Variants in PRR33 observed in about 807,000 individuals in gnomAD.
The protein encoded by PRR33 is proline rich 33.
PRR33 carries 1 observed loss-of-function variant against 0.5 expected under a neutral mutation model. The ratio of observed to expected loss-of-function variants is 2.18; its 90% CI spans 0.77 to 10.34. PRR33 has a LOEUF of 10.34. Among genes scored for constraint, PRR33 ranks in the 30% most tolerant of loss-of-function variants. The pLI is 0.13. For synonymous variants in PRR33, 226 were observed against 110.0 expected (o/e 2.06, Z -6.60); for missense variants, 552 against 251.8 (o/e 2.19, Z -8.07).
the PRR33 span, among the ~76,000 whole-genome samples, chr11:1,917,460 G>T: frequency 2.0e-5 from 3 of 152,186 alleles, no homozygotes; most frequent in Non-Finnish European, 4.4e-5. Context: ...CTGCCCTAGA[G>T]CCAAGGCCCC....
chr11:1,889,410 G>T (rs1166548988), exon 1 of PRR33: 2 of 682,402 alleles, frequency 2.9e-6, no homozygotes, highest in Admixed American at 2.1e-5. Flanking sequence ...GGAGGCGGGG[G>T]CCCGGGGTGC....
chr11:1,889,338 C>T (rs2090868), exon 1 of PRR33: 26 of 711,006 alleles, frequency 3.7e-5, no homozygotes, highest in African/African-American at 1.4e-4. Context: ...CCCTGCCAGG[C>T]GCCCTTGGGC....
chr11:1,897,530 C>T, the PRR33 span, among the ~76,000 whole-genome samples: 1 of 152,238 alleles, frequency 6.6e-6, no homozygotes, highest in African/African-American at 2.4e-5. The surrounding 1 kb of genome is among the most constrained non-coding windows in gnomAD (Gnocchi z 4.0). Flanking sequence ...GCTTGCGTGA[C>T]TCCATCTGGG....
the PRR33 span, among the ~76,000 whole-genome samples, chr11:1,904,289 G>A: frequency 6.6e-6 from 1 of 152,210 alleles, no homozygotes; most frequent in Non-Finnish European, 1.5e-5. Flanking sequence ...AGCACTTTGG[G>A]AGGCCGAGGC....
upstream of PRR33, chr11:1,892,088 G>T (rs1159174182): frequency 6.6e-6 from 1 of 152,142 alleles, no homozygotes; most frequent in Admixed American, 6.5e-5. Flanking sequence ...CTTCTAGGAA[G>T]TTAGGAGGTT....
the PRR33 span, among the ~76,000 whole-genome samples, chr11:1,899,113 A>G: frequency 6.6e-6 from 1 of 152,122 alleles, no homozygotes. Flanking sequence ...AGTATACCCC[A>G]TGAGTGCACA....
chr11:1,900,790 A>G, the PRR33 span, among the ~76,000 whole-genome samples: 3 of 152,214 alleles, frequency 2.0e-5, no homozygotes, highest in African/African-American at 7.2e-5. Flanking sequence ...CAATATCTCA[A>G]ATAAGGTTAA....
chr11:1,913,886 G>T, the PRR33 span, among the ~76,000 whole-genome samples: 2 of 152,210 alleles, frequency 1.3e-5, no homozygotes, highest in African/African-American at 4.8e-5. Context: ...ATGCTGCCAC[G>T]GGCTCCCACT....
the PRR33 span, among the ~76,000 whole-genome samples, chr11:1,910,102 C>T: frequency 2.0e-5 from 3 of 152,346 alleles, no homozygotes; most frequent in African/African-American, 4.8e-5. Context: ...TATGAATACA[C>T]GACGGTGTAC....
upstream of PRR33, among the ~76,000 whole-genome samples, chr11:1,896,431 T>A (rs1207233272): frequency 1.3e-5 from 2 of 152,372 alleles, no homozygotes; most frequent in African/African-American, 4.8e-5. Context: ...ATTTTTAATG[T>A]CAATATCTGA....
chr11:1,902,682 A>G, the PRR33 span: 1 of 152,118 alleles, frequency 6.6e-6, no homozygotes, highest in Admixed American at 6.6e-5. Flanking sequence ...AGACCCCAAG[A>G]GAGGGTTCTT....
the PRR33 span, among the ~76,000 whole-genome samples, chr11:1,900,268 G>T: frequency 6.6e-6 from 1 of 152,120 alleles, no homozygotes. Context: ...GTTATCATAG[G>T]TAATTTGACT....
the PRR33 span, among the ~76,000 whole-genome samples, chr11:1,905,346 C>T: frequency 6.6e-6 from 1 of 151,312 alleles, no homozygotes; most frequent in Non-Finnish European, 1.5e-5. Flanking sequence ...AGGCTACTCT[C>T]GAACTCCTGA....
chr11:1,913,756 C>T, the PRR33 span, among the ~76,000 whole-genome samples: 7 of 152,230 alleles, frequency 4.6e-5, no homozygotes, highest in African/African-American at 1.7e-4. Context: ...GGAGGCTCTG[C>T]TTCAGTCCCT....
the PRR33 span, among the ~76,000 whole-genome samples, chr11:1,913,872 C>T: frequency 5.9e-5 from 9 of 152,372 alleles, no homozygotes; most frequent in South Asian, 6.2e-4. Context: ...CCTTTTCCCT[C>T]GTCATGCTGC....
At chr11:1,897,457 A>T in the PRR33 span, among the ~76,000 whole-genome samples, 2 of 152,130 alleles carry the variant, frequency 1.3e-5, no homozygotes, top group Non-Finnish European at 2.9e-5. The surrounding 1 kb of genome is among the most constrained non-coding windows in gnomAD (Gnocchi z 4.0). Context: ...AGAAAAACAA[A>T]CCCTGGTCTG....
chr11:1,907,671 C>T, the PRR33 span, among the ~76,000 whole-genome samples: 1 of 152,200 alleles, frequency 6.6e-6, no homozygotes, highest in African/African-American at 2.4e-5. Flanking sequence ...GCCCCGGCCT[C>T]CCAAAGTGCT....
In PRR33 at chr11:1,889,076, C is replaced by T. The variant is rs1848873454; in HGVS notation, c.*69G>A. On this transcript the variant is annotated 3_prime_UTR_variant, in exon 1 of 1. Coordinates refer to ENST00000640310, the Ensembl canonical transcript of PRR33. ...TCTTCATGCAGCAACTATGGGCCCCCAGCTAGAGCCTCAGCCCCTTCTTCT... is the reference window on the plus strand; with the variant it reads ...TCTTCATGCAGCAACTATGGGCCCCTAGCTAGAGCCTCAGCCCCTTCTTCT... The T allele has an allele frequency of 2.6e-5, 15 of 582,148 alleles. No individual in the cohort carries two copies. In the South Asian group the frequency reaches 3.0e-4, roughly 12 times the overall value. The allele number at this position is 582,148 out of a possible 1,614,324, so 36.1% of individuals were successfully genotyped here.
chr11:1,902,450 G>C, the PRR33 span, among the ~76,000 whole-genome samples: 1 of 152,194 alleles, frequency 6.6e-6, no homozygotes, highest in African/African-American at 2.4e-5. Context: ...CTTCATCTAG[G>C]ATAGCTTTCT....
Sources: gnomAD v4.1 joint callset for allele counts (sites outside exome capture counted in the v4.1 genomes callset) on GRCh38, gnomAD v4.1.1 for gene constraint, Gnocchi (gnomAD v3.1) non-coding constraint, MANE v1.5 for transcripts, NCBI Gene and HGNC (gene_info 2026-07-23, HGNC 2026-07-21) for gene names.